MARF1: variants seen among roughly 807,000 people sequenced by gnomAD.
The protein encoded by MARF1 is limkain-b1.
Under a neutral mutation model 168.2 loss-of-function variants are expected in MARF1, and 24 were observed. The ratio of observed to expected loss-of-function variants is 0.14; its 90% confidence interval spans 0.10 to 0.20. The LOEUF is 0.20. MARF1 is among the 10% of genes least tolerant of loss of function. MARF1 has a pLI of 1.00. For missense variants in MARF1, 1,744 were observed against 2,143.6 expected (o/e 0.81, Z 3.68); for synonymous variants, 868 against 822.4 (o/e 1.06, Z -0.95).
intron 16 of MARF1, 66 bp from the exon 17 acceptor site, chr16:15,612,843 G>T (rs1490793340): frequency 3.7e-6 from 5 of 1,352,462 alleles, no homozygotes; most frequent in Non-Finnish European, 5.3e-6. Flanking sequence ...AAGGGAAAAT[G>T]GCCCTGCAGT....
At chr16:15,600,014 T>A (rs1300145173) in intron 25 of MARF1, among the ~76,000 whole-genome samples, 1 of 152,322 alleles carries the variant, frequency 6.6e-6, no homozygotes, top group Middle Eastern at 3.4e-3. Flanking sequence ...CTGGCCTGCA[T>A]GCCTATAGCA....
intron 1 of MARF1, among the ~76,000 whole-genome samples, chr16:15,641,828 A>G (rs951778713): frequency 2.2e-4 from 33 of 152,138 alleles, no homozygotes; most frequent in African/African-American, 7.2e-4. Flanking sequence ...AAAAGTAAAA[A>G]CTTTCAGGTG....
At chr16:15,617,820 G>C (rs1166934208) in intron 13 of MARF1, among the ~76,000 whole-genome samples, 1 of 151,966 alleles carries the variant, frequency 6.6e-6, no homozygotes, top group African/African-American at 2.4e-5. Context: ...CTCTTGAGTT[G>C]GAAACCTCTC....
At chr16:15,637,670 G>A (rs2151313245) in intron 2 of MARF1, among the ~76,000 whole-genome samples, 1 of 152,290 alleles carries the variant, frequency 6.6e-6, no homozygotes, top group South Asian at 2.1e-4. Context: ...AGTTGACCGT[G>A]TAATTCTGAA....
At chr16:15,642,107 G>GC (rs2036026842) in intron 1 of MARF1, among the ~76,000 whole-genome samples, 1 of 152,112 alleles carries the variant, frequency 6.6e-6, no homozygotes, top group Non-Finnish European at 1.5e-5. Flanking sequence ...ACCTTACAAG[G>GC]CCGTTGTTTG....
chr16:15,616,901 G>C (rs746283318), intron 15 of MARF1, 151 bp downstream of exon 15: 47 of 1,114,592 alleles, frequency 4.2e-5, no homozygotes, highest in Non-Finnish European at 5.9e-5. Flanking sequence ...TTGTTATGTG[G>C]TGCATGACTG....
chr16:15,620,057 C>T (rs1406339856), intron 13 of MARF1, among the ~76,000 whole-genome samples: 3 of 151,980 alleles, frequency 2.0e-5, no homozygotes, highest in Non-Finnish European at 4.4e-5. Context: ...CCCAGCTACT[C>T]GGGAGGCTGA....
rs190059788 is a variant in MARF1, at chr16:15,607,504, G to A, written c.4182+787C>T. On this transcript the variant is annotated intron_variant, in intron 21 of 26. Coordinates refer to ENST00000396368, the MANE Select transcript of MARF1 (RefSeq NM_014647.4). Reference sequence around the variant, plus strand: ...GCGGAGGTTGCAGTGAGCCAAGATCGCACCACTGCACTCTAGCCTGGGCCA... The same window carrying A: ...GCGGAGGTTGCAGTGAGCCAAGATCACACCACTGCACTCTAGCCTGGGCCA... 4.0e-3 allele frequency among the ~76,000 whole-genome samples: 607 copies of A among 152,204 alleles called. 3 individuals are homozygous for A. The highest frequency in any genetic ancestry group is 6.4e-3 in the Non-Finnish European group (436 of 68,020).
intron 21 of MARF1, 150 bp downstream of exon 21, chr16:15,608,141 C>A: frequency 1.6e-6 from 1 of 615,706 alleles, no homozygotes; most frequent in Non-Finnish European, 2.8e-6. Flanking sequence ...GCACTAATGA[C>A]ACAAAACGAG....
intron 7 of MARF1, among the ~76,000 whole-genome samples, chr16:15,627,354 T>TAG (rs2034937390): frequency 2.6e-5 from 4 of 152,094 alleles, no homozygotes; most frequent in Admixed American, 1.3e-4. Flanking sequence ...GCACGGTGGC[T>TAG]CACGCCTGTA....
In MARF1 at chr16:15,595,872, T is replaced by C. The variant is rs144692119; in HGVS notation, c.*821A>G. The C allele has an allele frequency of 1.1e-4, 17 of 152,326 alleles. No homozygotes were observed. Among genetic ancestry groups the C allele is most frequent in the Admixed American group, 9.8e-4 (15 of 15,296 alleles). 9.4% of individuals were successfully genotyped at this position (152,326 alleles called of 1,614,324 possible). ...AAATCAGGCTCTTTCCAATGCTGCC[T>C]CTCGACACACAATAATGTGTGTTGT... On this transcript the variant is annotated 3_prime_UTR_variant, in exon 27 of 27. Transcript: ENST00000396368.
At chr16:15,601,917 T>C in intron 23 of MARF1, 74 bp downstream of exon 23, 1 of 1,231,174 alleles carries the variant, frequency 8.1e-7, no homozygotes, top group Non-Finnish European at 1.2e-6. Flanking sequence ...GGCAGCATTT[T>C]ATTTTTCTGT....
intron 23 of MARF1, chr16:15,601,720 G>A (rs1014734070): frequency 3.7e-6 from 2 of 538,946 alleles, no homozygotes; most frequent in Non-Finnish European, 6.7e-6. Flanking sequence ...TTGCCTGCTT[G>A]GGGGTCTTGA....
chr16:15,610,425 G>A lies in MARF1; in HGVS notation c.3751+550C>T, dbSNP rs150515081. Reference sequence around the variant, plus strand: ...AAATCCGCACCTACTCAAGTCTTGCGGTCTGCCCCGCGGAAACTGCAGACA... The same window carrying A: ...AAATCCGCACCTACTCAAGTCTTGCAGTCTGCCCCGCGGAAACTGCAGACA... On this transcript the variant is annotated intron_variant, in intron 19 of 26. Coordinates refer to ENST00000396368, the MANE Select transcript of MARF1 (RefSeq NM_014647.4). 243 of 153,074 alleles carry A rather than the reference G, an allele frequency of 1.6e-3. 2 individuals are homozygous for A. The highest frequency in any genetic ancestry group is 2.8e-3 in the Non-Finnish European group (193 of 68,708). 9.5% of individuals were successfully genotyped at this position (153,074 alleles called of 1,614,324 possible).
At chr16:15,612,325 G>GA (rs1381256311) in intron 17 of MARF1, among the ~76,000 whole-genome samples, 1 of 152,196 alleles carries the variant, frequency 6.6e-6, no homozygotes, top group African/African-American at 2.4e-5. Flanking sequence ...AGCTTAGAGG[G>GA]AAAATACTCC....
At chr16:15,600,762 T>G in intron 23 of MARF1, 61 bp from the exon 24 acceptor site, 1 of 1,570,164 alleles carries the variant, frequency 6.4e-7, no homozygotes, top group Non-Finnish European at 8.8e-7. Context: ...AGCCCTAACA[T>G]TCAGGAAGAG....
chr16:15,634,874 T>C lies in MARF1; in HGVS notation c.889A>G (p.Asn297Asp). 1.9e-6 allele frequency: 3 copies of C among 1,614,086 alleles called. No homozygotes were observed. Among genetic ancestry groups the C allele is most frequent in the Non-Finnish European group, 2.5e-6 (3 of 1,179,986 alleles). The stretch of plus-strand genomic sequence containing the variant: ...ACAGCAAGAGGTGCAGGTTGAGTAT[T>C]TGGAGGTGGTATATTTGGCCAGACT... ...AKVWPNIPPPNTQPAPLAVPL... is the reference protein window; with the variant it reads ...AKVWPNIPPPDTQPAPLAVPL... The change falls in exon 4 of 27, where the codon AAT becomes GAT. Residue 297 changes from asparagine (N) to aspartate (D), a missense_variant. By Grantham distance (23) the Asn-to-Asp change is conservative. This residue lies in a region of MARF1 where 217 missense variants were observed against 372.4 expected (regional missense o/e 0.58). Coordinates refer to ENST00000396368, the MANE Select transcript of MARF1 (RefSeq NM_014647.4).
At chr16:15,641,844 A>G (rs1386511094) in intron 1 of MARF1, among the ~76,000 whole-genome samples, 4 of 152,200 alleles carry the variant, frequency 2.6e-5, no homozygotes, top group Non-Finnish European at 5.9e-5. Flanking sequence ...AGGTGCCTGC[A>G]CCCTGAAAAC....
Position 15,625,750 on chromosome 16 carries a change from G to T in MARF1, c.1575C>A (p.Gly525=). ...YVYNLPANKD[G]KSVSNRLRRL... Reference sequence around the variant, plus strand: ...GTCTGAGCCTGTTGCTGACGCTCTTGCCATCCTTATTTGCTGGTAGGTTAT... The same window carrying T: ...GTCTGAGCCTGTTGCTGACGCTCTTTCCATCCTTATTTGCTGGTAGGTTAT... Residue 525 remains glycine (G), a synonymous_variant, in exon 8 of 27, where the codon GGC becomes GGA. Transcript: ENST00000396368. The T allele has an allele frequency of 6.2e-7, 1 of 1,613,988 alleles. No individual in the cohort carries two copies. The highest frequency in any genetic ancestry group is 8.5e-7 in the Non-Finnish European group (1 of 1,179,938).
Sources: allele counts gnomAD v4.1 joint callset (sites outside exome capture counted in the v4.1 genomes callset), GRCh38; gene constraint gnomAD v4.1.1; regional missense constraint gnomAD v4.1.1; transcripts MANE v1.5; gene names NCBI Gene and HGNC (gene_info 2026-07-23, HGNC 2026-07-21).